The following RERE variants were observed in gnomAD, a reference collection of about 807,000 sequenced individuals.
RERE encodes arginine-glutamic acid dipeptide repeats protein.
A neutral mutation model predicts 146.1 loss-of-function variants in RERE; 40 were observed. The ratio of observed to expected loss-of-function variants is 0.27; its 90% CI spans 0.21 to 0.36. The LOEUF (loss-of-function observed/expected upper bound fraction) is 0.36. Ranked by LOEUF, RERE falls within the 10% of genes least tolerant of loss-of-function variation. The pLI is 1.00. For missense variants in RERE, 1,933 were observed against 2,138.7 expected (o/e 0.90, Z 1.90); for synonymous variants, 1,003 against 866.0 (o/e 1.16, Z -2.78).
chr1:8,743,243 TA>T (rs928936296), intron 1 of RERE, among the ~76,000 whole-genome samples: 1 of 151,982 alleles, frequency 6.6e-6, no homozygotes, highest in Non-Finnish European at 1.5e-5. Flanking sequence ...AAAAAAATTT[TA>T]AAAATTAGCC....
Position 8,359,989 on chromosome 1 carries a change from G to A in RERE, c.3396-3C>T, listed in dbSNP as rs769555436. 11 of 1,611,918 alleles carry A rather than the reference G, an allele frequency of 6.8e-6. No individual in the cohort carries two copies. Among genetic ancestry groups the A allele is most frequent in the East Asian group, 2.2e-5 (1 of 44,862 alleles). On this transcript the variant is annotated splice_region_variant and splice_polypyrimidine_tract_variant and intron_variant, in intron 18 of 22. Coordinates refer to ENST00000400908, the MANE Select transcript of RERE (RefSeq NM_001042681.2). The stretch of plus-strand genomic sequence containing the variant: ...CCCGGTCCAGGTGTTTGTAGAACCT[G>A]AGAAAAGCCACAGATCTTGCTGGGA...
chr1:8,793,157 CAAAA>C (rs1015889392), intron 1 of RERE, among the ~76,000 whole-genome samples: 33 of 49,314 alleles, frequency 6.7e-4, no homozygotes, highest in Admixed American at 5.3e-3. Flanking sequence ...ACTCCATCTC[CAAAA>C]AAAAAAAAAA....
At position 8,358,381 on chromosome 1, in the gene RERE, T is replaced by G. The variant is rs1641386805; in HGVS notation, c.4154A>C (p.Gln1385Pro). Residue 1385 changes from glutamine to proline, a missense_variant, in exon 20 of 23, where the codon CAG becomes CCG. This residue lies in a region of RERE where 1,255 missense variants were observed against 1,153.8 expected (regional missense o/e 1.09). Coordinates refer to ENST00000400908, the MANE Select transcript of RERE (RefSeq NM_001042681.2). ...AGGGTAGCTCATCTCGGGCCGCAGC[T>G]GGGGGCCCGCCAGGGCCAGTCTCTC... ...ERERLALAGP[Q>P]LRPEMSYPDR... 4.4e-6 allele frequency: 7 copies of G among 1,608,396 alleles called. No individual in the cohort carries two copies. Among genetic ancestry groups the G allele is most frequent in the Non-Finnish European group, 6.0e-6 (7 of 1,176,464 alleles).
chr1:8,606,737 A>G (rs1646715249), intron 4 of RERE, among the ~76,000 whole-genome samples: 2 of 152,234 alleles, frequency 1.3e-5, no homozygotes. Context: ...TTCCTAAAAA[A>G]GAACACAAAA....
chr1:8,386,777 C>A (rs538891650), intron 12 of RERE, among the ~76,000 whole-genome samples: 1 of 152,060 alleles, frequency 6.6e-6, no homozygotes, highest in Admixed American at 6.5e-5. Flanking sequence ...AGAGTTAACA[C>A]AGAAGACAAA....
chr1:8,366,559 C>A (rs1347715966), intron 12 of RERE, among the ~76,000 whole-genome samples: 2 of 152,160 alleles, frequency 1.3e-5, no homozygotes, highest in African/African-American at 4.8e-5. Context: ...CAGGAAACTG[C>A]TCCACAGCCT....
chr1:8,499,835 A>G (rs1344942174), intron 8 of RERE, among the ~76,000 whole-genome samples: 2 of 152,252 alleles, frequency 1.3e-5, no homozygotes, highest in African/African-American at 4.8e-5. Flanking sequence ...TTAAAACACA[A>G]TGGGCCTGGC....
chr1:8,426,166 G>A (rs1015580264), intron 11 of RERE, among the ~76,000 whole-genome samples: 2 of 152,124 alleles, frequency 1.3e-5, no homozygotes, highest in African/African-American at 2.4e-5. Flanking sequence ...CCTAAGAAGT[G>A]TCTTTCAGCC....
At chr1:8,539,996 G>A (rs761771905) in intron 7 of RERE, among the ~76,000 whole-genome samples, 51 of 152,128 alleles carry the variant, frequency 3.4e-4, no homozygotes, top group Non-Finnish European at 6.3e-4. Flanking sequence ...CTAGAAAAAT[G>A]TTCTCAATAA....
intron 4 of RERE, among the ~76,000 whole-genome samples, chr1:8,559,185 C>T (rs1205155850): frequency 6.9e-6 from 1 of 145,352 alleles, no homozygotes; most frequent in Non-Finnish European, 1.5e-5. Context: ...GAGGCTGAGG[C>T]AGGAGAATTG....
chr1:8,655,460 C>T (rs1230539620), intron 2 of RERE, among the ~76,000 whole-genome samples: 1 of 152,162 alleles, frequency 6.6e-6, no homozygotes, highest in East Asian at 1.9e-4. Flanking sequence ...CCCGCCTCAG[C>T]CTCCCAAAGT....
At chr1:8,573,869 A>C (rs2124004219) in intron 4 of RERE, among the ~76,000 whole-genome samples, 1 of 152,246 alleles carries the variant, frequency 6.6e-6, no homozygotes, top group Non-Finnish European at 1.5e-5. Context: ...GCAGTGGCCC[A>C]ATCACAGGTC....
intron 10 of RERE, among the ~76,000 whole-genome samples, chr1:8,489,924 C>T (rs1177158030): frequency 6.6e-6 from 1 of 151,938 alleles, no homozygotes; most frequent in Non-Finnish European, 1.5e-5. Context: ...GTGGCGAGTG[C>T]CTGTAGTCCC....
At chr1:8,582,386 TTCTC>T (rs200181058) in intron 4 of RERE, among the ~76,000 whole-genome samples, 3 of 151,674 alleles carry the variant, frequency 2.0e-5, no homozygotes, top group East Asian at 3.9e-4. Flanking sequence ...TTTTTTTTTT[TTCTC>T]TCTCTTTCTT....
intron 10 of RERE, among the ~76,000 whole-genome samples, chr1:8,487,059 T>C (rs1242489459): frequency 6.6e-6 from 1 of 152,142 alleles, no homozygotes; most frequent in African/African-American, 2.4e-5. Flanking sequence ...TATTAGCAAA[T>C]TGAATCCAAT....
chr1:8,465,717 G>A (rs770756493), intron 11 of RERE: 28 of 647,556 alleles, frequency 4.3e-5, no homozygotes, highest in Middle Eastern at 2.4e-4. Flanking sequence ...AATCTTTCCC[G>A]ACATCTATGA....
chr1:8,636,101 G>A (rs1647099204), intron 2 of RERE, among the ~76,000 whole-genome samples: 1 of 152,176 alleles, frequency 6.6e-6, no homozygotes, highest in Admixed American at 6.5e-5. Context: ...TGATTCTCGT[G>A]CCTCAGTCTC....
At position 8,750,815 on chromosome 1, in the gene RERE, A is replaced by C. The variant is rs200044405; in HGVS notation, c.-145+66345T>G. 819 of 823,564 alleles carry C rather than the reference A, an allele frequency of 9.9e-4. 13 individuals carry two copies. The East Asian group carries it at 0.019, about 19-fold the overall frequency. The allele number at this position is 823,564 out of a possible 1,614,324, so 51.0% of individuals were successfully genotyped here. ...CTTTGTGAAGCTCAACAAGGCTTCA[A>C]TTAACATGCTGAGGATTGTAGAGCC... On this transcript the variant is annotated intron_variant, in intron 1 of 22. Transcript: ENST00000400908.
chr1:8,690,306 TA>T (rs1244699436), intron 1 of RERE, among the ~76,000 whole-genome samples: 1 of 152,192 alleles, frequency 6.6e-6, no homozygotes, highest in Non-Finnish European at 1.5e-5. Context: ...ATAAGGACAC[TA>T]ATCACATCAT....
Sources: gnomAD v4.1 joint callset for allele counts (sites outside exome capture counted in the v4.1 genomes callset) on GRCh38, gnomAD v4.1.1 for gene constraint, gnomAD v4.1.1 regional missense constraint, MANE v1.5 for transcripts, NCBI Gene and HGNC (gene_info 2026-07-23, HGNC 2026-07-21) for gene names.